Variants in GRTP1 observed in about 807,000 individuals in gnomAD.
GRTP1 encodes the protein growth hormone-regulated TBC protein 1.
In GRTP1, 56 loss-of-function variants were observed where a neutral mutation model predicts 38.1. The ratio of observed to expected loss-of-function variants is 1.47; its 90% CI spans 1.19 to 1.84. GRTP1 has a LOEUF of 1.84. GRTP1 is among the 40% of genes most tolerant of loss of function. GRTP1 has a pLI of 0.00. For missense variants in GRTP1, 506 were observed against 453.9 expected (o/e 1.11, Z -1.04); for synonymous variants, 217 against 189.5 (o/e 1.14, Z -1.19).
intron 5 of GRTP1, among the ~76,000 whole-genome samples, chr13:113,335,109 C>T (rs891289197): frequency 2.7e-5 from 4 of 150,350 alleles, no homozygotes; most frequent in African/African-American, 9.8e-5. Flanking sequence ...GGCATGAGCA[C>T]CATGCCTGGC....
intron 2 of GRTP1, among the ~76,000 whole-genome samples, chr13:113,355,988 A>AT (rs535425457): frequency 6.6e-6 from 1 of 152,328 alleles, no homozygotes; most frequent in South Asian, 2.1e-4. Context: ...GGATATTTTA[A>AT]TTGACAATAA....
intron 7 of GRTP1, chr13:113,325,302 C>T: frequency 2.2e-6 from 3 of 1,342,554 alleles, no homozygotes; most frequent in Non-Finnish European, 2.9e-6. Context: ...GTACAGCTCC[C>T]ACAACGCCCT....
chr13:113,337,491 A>AC (rs1360680200), intron 5 of GRTP1, among the ~76,000 whole-genome samples: 1 of 152,200 alleles, frequency 6.6e-6, no homozygotes, highest in African/African-American at 2.4e-5. Flanking sequence ...AGCGGCAATG[A>AC]CTTTTTTCCC....
rs867780772 is a variant in GRTP1 at position 113,347,542 on chromosome 13, G to T, written c.466-2583C>A. On this transcript the variant is annotated intron_variant, in intron 4 of 7. Transcript: ENST00000375431. ...AGCACCTCTGTGGCTGAGCGGATCC[G>T]GGAGGACCTCTGTGGCAGAGAGCAG... Among the ~76,000 whole-genome samples the T allele has an allele frequency of 1.5e-4, 12 of 78,384 alleles. 3 individuals carry two copies. The highest frequency in any genetic ancestry group is 6.6e-4 in the Admixed American group (6 of 9,144). 51.4% of individuals were successfully genotyped at this position (78,384 alleles called of 152,430 possible). A position where few individuals can be genotyped will look rare whatever the true frequency, so the allele number is the denominator to read the frequency against.
At chr13:113,340,871 T>C (rs9604072) in intron 5 of GRTP1, among the ~76,000 whole-genome samples, 36,918 of 152,020 alleles carry the variant, frequency 0.24, 6,248 homozygotes, top group African/African-American at 0.48. Context: ...AAAAACCCAG[T>C]GTGTCCATGC....
At chr13:113,331,949 G>T (rs2042877231) in intron 5 of GRTP1, among the ~76,000 whole-genome samples, 1 of 150,646 alleles carries the variant, frequency 6.6e-6, no homozygotes, top group African/African-American at 2.4e-5. Context: ...GACCCACCAT[G>T]CCTAGCCTTT....
intron 2 of GRTP1, among the ~76,000 whole-genome samples, chr13:113,360,967 G>A (rs927359010): frequency 3.3e-5 from 5 of 151,740 alleles, no homozygotes; most frequent in Non-Finnish European, 4.4e-5. Context: ...AAAATTAGCC[G>A]GGCATGGTGG....
chr13:113,326,836 G>T (rs111811657), intron 5 of GRTP1, among the ~76,000 whole-genome samples: 164 of 152,280 alleles, frequency 1.1e-3, no homozygotes, highest in African/African-American at 3.8e-3. Flanking sequence ...TCCACACGAC[G>T]GAATATTATT....
At chr13:113,352,300 A>AT (rs148920945) in intron 3 of GRTP1, among the ~76,000 whole-genome samples, 15 of 40,994 alleles carry the variant, frequency 3.7e-4, no homozygotes, top group Admixed American at 2.0e-3. Flanking sequence ...ATTTATATAT[A>AT]TTTTATATAT....
chr13:113,359,453 T>C (rs1397562092), intron 2 of GRTP1, among the ~76,000 whole-genome samples: 2 of 152,198 alleles, frequency 1.3e-5, no homozygotes, highest in African/African-American at 4.8e-5. Context: ...GGCATGGTGG[T>C]GCACACCTGT....
intron 2 of GRTP1, among the ~76,000 whole-genome samples, chr13:113,356,235 C>T (rs1314574197): frequency 2.6e-5 from 4 of 152,002 alleles, no homozygotes; most frequent in African/African-American, 9.7e-5. Context: ...TTGCTGTTTT[C>T]CTTTGATACT....
chr13:113,362,551 G>A (rs2043517681), intron 2 of GRTP1, among the ~76,000 whole-genome samples: 2 of 152,104 alleles, frequency 1.3e-5, no homozygotes, highest in African/African-American at 4.8e-5. Context: ...GGGGAGGATG[G>A]CTGGAGCCCA....
chr13:113,328,864 T>C (rs891370185), intron 5 of GRTP1, among the ~76,000 whole-genome samples: 2 of 151,960 alleles, frequency 1.3e-5, no homozygotes, highest in Non-Finnish European at 2.9e-5. Context: ...AATCCACATC[T>C]CAAACCTTAC....
intron 2 of GRTP1, among the ~76,000 whole-genome samples, chr13:113,358,627 G>T (rs1215745540): frequency 6.6e-6 from 1 of 152,018 alleles, no homozygotes; most frequent in Non-Finnish European, 1.5e-5. Flanking sequence ...TGAAATAATG[G>T]GATATGATAA....
At chr13:113,347,927 T>TCTGAAGCCGAGAGCAGACCC (rs1566433369) in intron 4 of GRTP1, among the ~76,000 whole-genome samples, 5 of 104,422 alleles carry the variant, frequency 4.8e-5, no homozygotes, top group Non-Finnish European at 4.0e-5. Flanking sequence ...AGAACGGACC[T>TCTGAAGCCGAGAGCAGACCC]GGGAGGACCT....
rs879303395 is a variant in GRTP1 at position 113,335,791 on chromosome 13, A to AT, written c.562+9071dup. Among the ~76,000 whole-genome samples, 295 of 145,258 alleles carry AT rather than the reference A, an allele frequency of 2.0e-3. 1 individual carries two copies. The highest frequency in any genetic ancestry group is 2.3e-3 in the Non-Finnish European group (154 of 65,938). On this transcript the variant is annotated intron_variant, in intron 5 of 7. Coordinates refer to ENST00000375431, the MANE Select transcript of GRTP1 (RefSeq NM_024719.4). ...CCCTCCATGCTGCTGAAATGACGGG[A>AT]TTTTTTTTTTTTCTTTTTGAGATGG...
rs9549392 is a variant in GRTP1 at position 113,352,337 on chromosome 13, T to A, written c.341-1364A>T. Among the ~76,000 whole-genome samples, 34 of 51,532 alleles carry A rather than the reference T, an allele frequency of 6.6e-4. 1 individual carries two copies. Among genetic ancestry groups the A allele is most frequent in the East Asian group, 3.1e-3 (6 of 1,918 alleles). 33.8% of individuals were successfully genotyped at this position (51,532 alleles called of 152,430 possible). The stretch of plus-strand genomic sequence containing the variant: ...TTTTATATATATTTTTATATATATT[T>A]TATATATATATTTATATATATTTTA... On this transcript the variant is annotated intron_variant, in intron 3 of 7. Coordinates refer to ENST00000375431, the MANE Select transcript of GRTP1 (RefSeq NM_024719.4).
intron 3 of GRTP1, among the ~76,000 whole-genome samples, chr13:113,353,818 C>G (rs2043330387): frequency 6.6e-6 from 1 of 152,138 alleles, no homozygotes; most frequent in South Asian, 2.1e-4. Flanking sequence ...TCCTGTAACC[C>G]TAGCACTTTG....
At chr13:113,328,871 T>G (rs990752973) in intron 5 of GRTP1, among the ~76,000 whole-genome samples, 1 of 151,980 alleles carries the variant, frequency 6.6e-6, no homozygotes, top group Non-Finnish European at 1.5e-5. Flanking sequence ...ATCTCAAACC[T>G]TACAAAGCAG....
Sources: gnomAD v4.1 joint callset for allele counts (sites outside exome capture counted in the v4.1 genomes callset) on GRCh38, gnomAD v4.1.1 for gene constraint, MANE v1.5 for transcripts, NCBI Gene and HGNC (gene_info 2026-07-23, HGNC 2026-07-21) for gene names.